The following RNF24 variants were observed in gnomAD, a reference collection of about 807,000 sequenced individuals.
RNF24 encodes ring finger protein 24.
RNF24 carries 14 observed loss-of-function variants against 20.0 expected under a neutral mutation model. The observed-to-expected ratio is 0.70, with a 90% CI of 0.46 to 1.10. The LOEUF is 1.10. Among genes scored for constraint, RNF24 ranks in the 50% least tolerant of loss-of-function variants. The pLI, the probability that RNF24 is intolerant of heterozygous loss-of-function variation, is 0.00. For missense variants in RNF24, 124 were observed against 177.6 expected, an observed-to-expected ratio of 0.70 and a Z score of 1.71; for synonymous variants, 45 against 61.1, an observed-to-expected ratio of 0.74 and a Z score of 1.23.
chr20:4,003,801 C>A (rs983521872), intron 1 of RNF24, among the ~76,000 whole-genome samples: 1 of 151,894 alleles, frequency 6.6e-6, no homozygotes, highest in African/African-American at 2.4e-5. Context: ...TGCCACCACA[C>A]CTGGCTAATT....
At chr20:3,983,844 G>A (rs1175456421) in intron 1 of RNF24, among the ~76,000 whole-genome samples, 1 of 150,738 alleles carries the variant, frequency 6.6e-6, no homozygotes, top group Non-Finnish European at 1.5e-5. Flanking sequence ...GGGAGGCTGA[G>A]GCAGGAGAAT....
At chr20:3,974,412 A>G in intron 1 of RNF24, 1 of 1,540,836 alleles carries the variant, frequency 6.5e-7, no homozygotes, top group Non-Finnish European at 8.7e-7. Context: ...TAGCCAGTGC[A>G]ATAAGGTAGA....
intron 1 of RNF24, among the ~76,000 whole-genome samples, chr20:3,973,180 G>A (rs906646403): frequency 6.6e-6 from 1 of 151,874 alleles, no homozygotes; most frequent in Non-Finnish European, 1.5e-5. Context: ...TCCAGCCTGG[G>A]TGACACACGC....
intron 1 of RNF24, among the ~76,000 whole-genome samples, chr20:4,009,734 G>A (rs1417371922): frequency 6.6e-6 from 1 of 151,952 alleles, no homozygotes; most frequent in African/African-American, 2.4e-5. Context: ...TGTCTACTTC[G>A]GATTTTTGGT....
In RNF24 at chr20:3,945,205, T is replaced by A. The variant is rs1246939677; in HGVS notation, c.200A>T (p.Glu67Val). The A allele has an allele frequency of 6.3e-7, 1 of 1,596,186 alleles. No homozygotes were observed. Among genetic ancestry groups the A allele is most frequent in the South Asian group, 1.1e-5 (1 of 89,476 alleles). The change falls in exon 4 of 6, where the codon GAG becomes GTG. Residue 67 changes from glutamate to valine, a missense_variant. Transcript: ENST00000358395. ...ATGTAAATTCAATTCTTTTACTTTC[T>A]CTTTTAATATAACCTGTAAGACAAA... ...FYAYKQVILK[E>V]KVKELNLHEL...
At chr20:3,976,301 T>C (rs1382528406) in intron 1 of RNF24, among the ~76,000 whole-genome samples, 1 of 152,102 alleles carries the variant, frequency 6.6e-6, no homozygotes, top group Non-Finnish European at 1.5e-5. Context: ...ATTAGGGAAA[T>C]AGAAATTAAA....
rs2090800415 is a variant in RNF24 at position 3,930,099 on chromosome 20, A to G, written c.*3964T>C. ...TGGAAGGATACCCAAGGAACAAACC[A>G]ATAGTAGGTATTCATGGAGTGAGGA... On this transcript the variant is annotated 3_prime_UTR_variant, in exon 6 of 6. Coordinates refer to ENST00000358395, the MANE Select transcript of RNF24 (RefSeq NM_001134337.3). 1 of 152,258 alleles carries G rather than the reference A, an allele frequency of 6.6e-6. No individual in the cohort carries two copies. The highest frequency in any genetic ancestry group is 1.5e-5 in the Non-Finnish European group (1 of 68,058). The allele number at this position is 152,258 out of a possible 1,614,324, so 9.4% of individuals were successfully genotyped here.
Position 3,933,082 on chromosome 20 carries a change from T to C in RNF24, c.*981A>G, listed in dbSNP as rs2090844408. On this transcript the variant is annotated 3_prime_UTR_variant, in exon 6 of 6. Transcript: ENST00000358395. ...GACAGGCTTTTTTTTTTTTTTTTTTTTTTTTCTGAAGTAGAAAGAGAGATA... is the reference window on the plus strand; with the variant it reads ...GACAGGCTTTTTTTTTTTTTTTTTTCTTTTTCTGAAGTAGAAAGAGAGATA... The C allele has an allele frequency of 1.5e-5, 6 of 395,098 alleles. No individual in the cohort carries two copies. The East Asian group carries it at 1.8e-4, about 12-fold the overall frequency. The allele number at this position is 395,098 out of a possible 1,614,324, so 24.5% of individuals were successfully genotyped here. A position where few individuals can be genotyped will look rare whatever the true frequency, so the allele number is the denominator to read the frequency against.
At chr20:4,013,009 T>G (rs77892621) in intron 1 of RNF24, among the ~76,000 whole-genome samples, 1 of 139,212 alleles carries the variant, frequency 7.2e-6, no homozygotes, top group East Asian at 1.9e-4. Context: ...AAAGCTCTTG[T>G]TTTTTTTTTT....
chr20:3,928,832 T>C lies in RNF24; in HGVS notation c.*5231A>G, dbSNP rs2090771990. 1 of 149,334 alleles carries C rather than the reference T, an allele frequency of 6.7e-6. No homozygotes were observed. Among genetic ancestry groups the C allele is most frequent in the Non-Finnish European group, 1.5e-5 (1 of 67,376 alleles). The allele number at this position is 149,334 out of a possible 1,614,324, so 9.3% of individuals were successfully genotyped here. The stretch of plus-strand genomic sequence containing the variant: ...GGAAAACAAGGCATAAAGGGAAAAT[T>C]CTGTAGGAAGCATTTTCTTTTCTTG... On this transcript the variant is annotated 3_prime_UTR_variant, in exon 6 of 6. Coordinates refer to ENST00000358395, the MANE Select transcript of RNF24 (RefSeq NM_001134337.3).
At chr20:3,969,982 CTGGAATTTTTACACAACA>C (rs2091298250) in intron 1 of RNF24, among the ~76,000 whole-genome samples, 1 of 151,838 alleles carries the variant, frequency 6.6e-6, no homozygotes, top group Non-Finnish European at 1.5e-5. Flanking sequence ...TGTTGGCCAG[CTGGAATTTTTACACAACA>C]TGGTGAAAAT....
Position 4,007,470 on chromosome 20 carries a change from T to G in RNF24, c.-8+7967A>C, listed in dbSNP as rs1233270439. On this transcript the variant is annotated intron_variant, in intron 1 of 5. Coordinates refer to ENST00000358395, the MANE Select transcript of RNF24 (RefSeq NM_001134337.3). ...GAAAAAAAAATCTGTTGATGATATA[T>G]TGGGTGTTTTTAAAGCTCCATTTCC... Among the ~76,000 whole-genome samples, 3 of 152,042 alleles carry G rather than the reference T, an allele frequency of 2.0e-5. No individual in the cohort carries two copies. The East Asian group carries it at 5.8e-4, about 29-fold the overall frequency.
chr20:3,927,813 A>AGAG lies in RNF24; in HGVS notation c.*6247_*6249dup, dbSNP rs1181602160. 2 of 152,296 alleles carry AGAG rather than the reference A, an allele frequency of 1.3e-5. No individual in the cohort carries two copies. Among genetic ancestry groups the AGAG allele is most frequent in the African/African-American group, 2.4e-5 (1 of 41,460 alleles). The allele number at this position is 152,296 out of a possible 1,614,324, so 9.4% of individuals were successfully genotyped here. ...GGGACTGGCAAAGGGAGCTGAGAAG[A>AGAG]GAGTTCCCCCAAAGCACAAACAAGT... On this transcript the variant is annotated 3_prime_UTR_variant, in exon 6 of 6. Transcript: ENST00000358395.
At chr20:4,011,184 T>C (rs796397945) in intron 1 of RNF24, among the ~76,000 whole-genome samples, 4 of 152,340 alleles carry the variant, frequency 2.6e-5, no homozygotes, top group African/African-American at 9.6e-5. Context: ...GACTTCTCAA[T>C]AGTGACACTG....
At chr20:3,940,383 T>C (rs1208023623) in intron 4 of RNF24, among the ~76,000 whole-genome samples, 4 of 149,414 alleles carry the variant, frequency 2.7e-5, no homozygotes, top group Non-Finnish European at 3.0e-5. Flanking sequence ...ACACTGGAAA[T>C]TACTCAGTCT....
At chr20:3,997,340 T>C (rs1980967367) in intron 1 of RNF24, among the ~76,000 whole-genome samples, 1 of 151,978 alleles carries the variant, frequency 6.6e-6, no homozygotes, top group Admixed American at 6.6e-5. Context: ...ATGTTCTAGG[T>C]AGGTCAGTAC....
chr20:3,986,986 C>T (rs761940248), intron 1 of RNF24, among the ~76,000 whole-genome samples: 1 of 152,152 alleles, frequency 6.6e-6, no homozygotes, highest in Non-Finnish European at 1.5e-5. Flanking sequence ...TAGCTCACTG[C>T]AGCCTCAAAC....
chr20:3,990,342 A>G (rs1382160723), intron 1 of RNF24, among the ~76,000 whole-genome samples: 1 of 152,188 alleles, frequency 6.6e-6, no homozygotes, highest in African/African-American at 2.4e-5. Context: ...GGCTTCCACA[A>G]GAGCAACTCA....
At chr20:4,011,825 T>C (rs1441894818) in intron 1 of RNF24, among the ~76,000 whole-genome samples, 1 of 152,154 alleles carries the variant, frequency 6.6e-6, no homozygotes. Context: ...GAGTGGGAAA[T>C]GGAAGGATAG....
Sources: gnomAD v4.1 joint callset for allele counts (sites outside exome capture counted in the v4.1 genomes callset) on GRCh38, gnomAD v4.1.1 for gene constraint, MANE v1.5 for transcripts, NCBI Gene and HGNC (gene_info 2026-07-23, HGNC 2026-07-21) for gene names.